The following GREB1 variants were observed in gnomAD, a reference collection of about 807,000 sequenced individuals.
The protein encoded by GREB1 is growth regulating estrogen receptor binding 1, also known as protein GREB1.
Under a neutral mutation model 200.7 loss-of-function variants are expected in GREB1, and 106 were observed. The observed-to-expected ratio is 0.53, with a 90% CI of 0.45 to 0.62. The LOEUF is 0.62. Among genes scored for constraint, GREB1 ranks in the 20% least tolerant of loss-of-function variants. The probability of loss-of-function intolerance (pLI) is 0.00; values close to 1 mark genes in which losing one functional copy is unlikely to be tolerated. For synonymous variants in GREB1, 1,132 were observed against 1,092.4 expected, an observed-to-expected ratio of 1.04 and a Z score of -0.72; for missense variants, 2,243 against 2,556.8, an observed-to-expected ratio of 0.88 and a Z score of 2.65.
At position 11,535,669 on chromosome 2, in the gene GREB1, G is replaced by A. The variant is rs375886683; in HGVS notation, c.-162+1415G>A. On this transcript the variant is annotated intron_variant, in intron 1 of 32. Transcript: ENST00000381486. ...GTTCTTTGGTTACTTCTAGGTCTGA[G>A]AGTCTAGGATTCGGTGATTCAAGGG... Among the ~76,000 whole-genome samples the A allele has an allele frequency of 3.3e-5, 5 of 152,306 alleles. No individual in the cohort carries two copies. The East Asian group carries it at 7.7e-4, about 23-fold the overall frequency.
intron 24 of GREB1, among the ~76,000 whole-genome samples, chr2:11,625,738 C>T (rs559792570): frequency 1.1e-4 from 16 of 152,142 alleles, no homozygotes; most frequent in African/African-American, 2.2e-4. Context: ...GGGGCCATTG[C>T]GATTATAAAC....
In GREB1 at chr2:11,576,551, G is replaced by A. The variant is rs201483373; in HGVS notation, c.637+16G>A. ...AAAGGCTCAGGTGAGCAGGTTGGCTGTGGAGGAGGTATGGGAGTGCTGGGC... is the reference window on the plus strand; with the variant it reads ...AAAGGCTCAGGTGAGCAGGTTGGCTATGGAGGAGGTATGGGAGTGCTGGGC... On this transcript the variant is annotated intron_variant, in intron 5 of 32. Transcript: ENST00000381486. 4.2e-4 allele frequency: 678 copies of A among 1,606,896 alleles called. No homozygotes were observed. The highest frequency in any genetic ancestry group is 5.4e-4 in the Non-Finnish European group (638 of 1,175,922).
rs1023508185 is a variant in GREB1, at chr2:11,496,527, G to A, written c.-159+14146G>A. ...TCTTCCCCACCCCGCCCGCCCCCCC[G>A]TCACATGTCTGACGAACAAGGGGGA... On this transcript the variant is annotated intron_variant, in intron 1 of 2. Coordinates refer to the GREB1 transcript ENST00000628795. Among the ~76,000 whole-genome samples the A allele has an allele frequency of 3.1e-4, 10 of 32,420 alleles. No homozygotes were observed. The South Asian group carries it at 0.01, about 33-fold the overall frequency. The allele number at this position is 32,420 out of a possible 152,430, so 21.3% of individuals were successfully genotyped here.
intron 3 of GREB1, among the ~76,000 whole-genome samples, chr2:11,565,330 G>C (rs1677514796): frequency 6.6e-6 from 1 of 152,244 alleles, no homozygotes; most frequent in East Asian, 1.9e-4. Flanking sequence ...CTCCCCCACA[G>C]GTGTTGCTTT....
chr2:11,569,260 G>T (rs1037034093), intron 4 of GREB1, among the ~76,000 whole-genome samples: 5 of 151,996 alleles, frequency 3.3e-5, no homozygotes, highest in African/African-American at 9.7e-5. Context: ...AGCATGCAAA[G>T]AATTCAGCAT....
chr2:11,510,977 A>G (rs1368582903), intron 1 of GREB1, among the ~76,000 whole-genome samples: 1 of 152,104 alleles, frequency 6.6e-6, no homozygotes, highest in Non-Finnish European at 1.5e-5. Context: ...CTGGCCAATT[A>G]TGAACGTATG....
chr2:11,488,791 C>CAA (rs11288876), intron 1 of GREB1, among the ~76,000 whole-genome samples: 2 of 82,768 alleles, frequency 2.4e-5, no homozygotes, highest in African/African-American at 8.8e-5. Flanking sequence ...AACTCCGTCT[C>CAA]AAAAAAAAAA....
At chr2:11,568,583 C>G (rs547546999) in intron 4 of GREB1, among the ~76,000 whole-genome samples, 1 of 152,264 alleles carries the variant, frequency 6.6e-6, no homozygotes, top group Non-Finnish European at 1.5e-5. Context: ...AAAGTGAGTA[C>G]GCGAGGCCAT....
intron 1 of GREB1, among the ~76,000 whole-genome samples, chr2:11,538,626 TTTCTTTCTTTC>T (rs1198580405): frequency 1.5e-4 from 3 of 19,428 alleles, no homozygotes; most frequent in African/African-American, 2.8e-4. Context: ...TCTTTCTTTC[TTTCTTTCTTTC>T]TTTCTTTCTT....
At chr2:11,587,706 C>G in intron 9 of GREB1, 1 of 1,053,308 alleles carries the variant, frequency 9.5e-7, no homozygotes. Flanking sequence ...CACACACACA[C>G]ACACACACAC....
In GREB1 at chr2:11,588,327, C is replaced by T. The variant is rs553190888; in HGVS notation, c.1160-419C>T. 29 of 1,123,938 alleles carry T rather than the reference C, an allele frequency of 2.6e-5. No individual in the cohort carries two copies. In the South Asian group the frequency reaches 5.6e-4, roughly 22 times the overall value. 69.6% of individuals were successfully genotyped at this position (1,123,938 alleles called of 1,614,324 possible). On this transcript the variant is annotated intron_variant, in intron 9 of 32. Transcript: ENST00000381486. Reference sequence around the variant, plus strand: ...CCCTGGGAGAATGCAGGGCAGAATCCTCCCTGCTTGGAGTCAGGGAGGCAA... The same window carrying T: ...CCCTGGGAGAATGCAGGGCAGAATCTTCCCTGCTTGGAGTCAGGGAGGCAA...
At chr2:11,616,100 C>T (rs79987373) in intron 20 of GREB1, among the ~76,000 whole-genome samples, 6,601 of 152,370 alleles carry the variant, frequency 0.043, 478 homozygotes, top group African/African-American at 0.15. Context: ...TCCCTGGCAT[C>T]TCAGGACCCC....
At chr2:11,531,762 G>C (rs903802617), upstream of GREB1, among the ~76,000 whole-genome samples, 8 of 152,180 alleles carry the variant, frequency 5.3e-5, no homozygotes, top group African/African-American at 1.7e-4. Context: ...GTAGGGACAG[G>C]GTTTCGCCCT....
intron 17 of GREB1, among the ~76,000 whole-genome samples, chr2:11,603,211 G>A (rs892473707): frequency 1.3e-5 from 2 of 152,190 alleles, no homozygotes; most frequent in Admixed American, 6.5e-5. Context: ...GGGACCACAT[G>A]GTTTATTCGT....
intron 31 of GREB1, among the ~76,000 whole-genome samples, chr2:11,638,158 G>A (rs778772615): frequency 6.6e-6 from 1 of 152,134 alleles, no homozygotes; most frequent in African/African-American, 2.4e-5. Flanking sequence ...GTTTGTTTTT[G>A]AGATGGAGTT....
chr2:11,557,990 G>T (rs898149763), intron 2 of GREB1, among the ~76,000 whole-genome samples: 1 of 152,198 alleles, frequency 6.6e-6, no homozygotes, highest in Non-Finnish European at 1.5e-5. Flanking sequence ...TACATCTATA[G>T]TATTGAAGAG....
chr2:11,616,832 A>C, intron 21 of GREB1, 112 bp downstream of exon 21: 1 of 707,800 alleles, frequency 1.4e-6, no homozygotes, highest in Non-Finnish European at 2.5e-6. Flanking sequence ...TTCCATCAGA[A>C]CTGGAAAGAT....
At chr2:11,564,705 C>T (rs1435583423) in intron 3 of GREB1, among the ~76,000 whole-genome samples, 5 of 152,230 alleles carry the variant, frequency 3.3e-5, no homozygotes, top group Non-Finnish European at 1.5e-5. Flanking sequence ...TTGACCTTGA[C>T]CTCAGGGAAT....
intron 1 of GREB1, among the ~76,000 whole-genome samples, chr2:11,536,531 G>C (rs1257255528): frequency 1.3e-5 from 2 of 152,224 alleles, no homozygotes; most frequent in African/African-American, 4.8e-5. Flanking sequence ...ATGCCAAAAA[G>C]TGCCAAACTG....
Sources: allele counts gnomAD v4.1 joint callset (sites outside exome capture counted in the v4.1 genomes callset), GRCh38; gene constraint gnomAD v4.1.1; transcripts MANE v1.5; gene names NCBI Gene and HGNC (gene_info 2026-07-23, HGNC 2026-07-21).